The following RPS6KC1 variants were observed in gnomAD, a reference collection of about 807,000 sequenced individuals.
RPS6KC1 encodes ribosomal protein S6 kinase C1, also known as inactive ribosomal protein S6 kinase delta-1.
In RPS6KC1, 54 loss-of-function variants were observed where a neutral mutation model predicts 103.8. That is an observed-to-expected ratio of 0.52 (90% CI 0.42 to 0.65). RPS6KC1 has a LOEUF of 0.65. RPS6KC1 is among the 30% of genes least tolerant of loss of function. The pLI is 0.00. For synonymous variants in RPS6KC1, 439 were observed against 438.7 expected (o/e 1.00, Z -0.01); for missense variants, 1,151 against 1,253.8 (o/e 0.92, Z 1.24).
chr1:213,186,991 T>G (rs1406694325), intron 8 of RPS6KC1, among the ~76,000 whole-genome samples: 1 of 152,122 alleles, frequency 6.6e-6, no homozygotes, highest in African/African-American at 2.4e-5. Context: ...CATTTCATCC[T>G]CTATTGCCTA....
chr1:213,420,389 C>T, the RPS6KC1 span, among the ~76,000 whole-genome samples: 4 of 152,278 alleles, frequency 2.6e-5, no homozygotes, highest in Non-Finnish European at 5.9e-5. Flanking sequence ...AGGCCCAGAG[C>T]AGAGGTGCAC....
At chr1:213,112,965 T>C (rs1465160539) in intron 4 of RPS6KC1, among the ~76,000 whole-genome samples, 1 of 152,366 alleles carries the variant, frequency 6.6e-6, no homozygotes, top group East Asian at 1.9e-4. Flanking sequence ...TCTATCATTG[T>C]TGGACATTTG....
At chr1:213,051,635 T>C in intron 1 of RPS6KC1, 126 bp downstream of exon 1, 1 of 655,580 alleles carries the variant, frequency 1.5e-6, no homozygotes, top group Admixed American at 2.6e-5. Flanking sequence ...CTGCTCCTAC[T>C]GGCGGGACTT....
chr1:213,132,207 G>T (rs1001468559), intron 6 of RPS6KC1, among the ~76,000 whole-genome samples: 19 of 152,146 alleles, frequency 1.2e-4, no homozygotes, highest in African/African-American at 4.6e-4. Flanking sequence ...ATTTAACCAT[G>T]TATCTCCTAT....
chr1:213,352,859 T>C, the RPS6KC1 span, among the ~76,000 whole-genome samples: 1 of 152,190 alleles, frequency 6.6e-6, no homozygotes, highest in African/African-American at 2.4e-5. Flanking sequence ...ACCTATGGCA[T>C]TGACAAGGTA....
At chr1:213,059,622 T>C (rs866333730) in intron 1 of RPS6KC1, among the ~76,000 whole-genome samples, 44 of 152,272 alleles carry the variant, frequency 2.9e-4, no homozygotes, top group Middle Eastern at 6.8e-3. Flanking sequence ...CAAGTGATTC[T>C]CCTGCCTCAG....
the RPS6KC1 span, among the ~76,000 whole-genome samples, chr1:213,662,249 G>A: frequency 9.2e-5 from 14 of 151,520 alleles, no homozygotes; most frequent in South Asian, 1.9e-3. Flanking sequence ...TAGCAATATC[G>A]GAAATACCAG....
the RPS6KC1 span, among the ~76,000 whole-genome samples, chr1:213,360,338 G>A: frequency 6.6e-6 from 1 of 152,122 alleles, no homozygotes; most frequent in South Asian, 2.1e-4. Context: ...CTTTCTTCCA[G>A]TTGATTGAAT....
chr1:213,666,804 C>T, the RPS6KC1 span, among the ~76,000 whole-genome samples: 1 of 152,194 alleles, frequency 6.6e-6, no homozygotes, highest in Non-Finnish European at 1.5e-5. Flanking sequence ...AGAGTTATTG[C>T]CGCTTATTCA....
chr1:213,347,323 A>C, the RPS6KC1 span, among the ~76,000 whole-genome samples: 4 of 152,350 alleles, frequency 2.6e-5, no homozygotes, highest in South Asian at 8.3e-4. Flanking sequence ...TTCAGGAGAT[A>C]AACAGTTCTT....
At chr1:213,794,977 G>T in the RPS6KC1 span, among the ~76,000 whole-genome samples, 4 of 152,184 alleles carry the variant, frequency 2.6e-5, no homozygotes, top group African/African-American at 7.2e-5. Flanking sequence ...ACCTCTAAAG[G>T]TGATGTCAGC....
the RPS6KC1 span, among the ~76,000 whole-genome samples, chr1:213,636,840 G>A: frequency 6.6e-6 from 1 of 152,072 alleles, no homozygotes; most frequent in African/African-American, 2.4e-5. Context: ...CCTACAGAAT[G>A]GGAGAAAAAT....
At chr1:213,245,615 T>C (rs2094442191) in intron 12 of RPS6KC1, among the ~76,000 whole-genome samples, 1 of 152,212 alleles carries the variant, frequency 6.6e-6, no homozygotes, top group Non-Finnish European at 1.5e-5. Flanking sequence ...CAGCAGTATA[T>C]CTTTTTATCT....
At chr1:213,388,286 G>A in the RPS6KC1 span, among the ~76,000 whole-genome samples, 1 of 152,202 alleles carries the variant, frequency 6.6e-6, no homozygotes, top group South Asian at 2.1e-4. Flanking sequence ...AGAAGGGCAC[G>A]AAGACGTGGC....
At chr1:213,741,048 AAAAT>A in the RPS6KC1 span, among the ~76,000 whole-genome samples, 1 of 147,900 alleles carries the variant, frequency 6.8e-6, no homozygotes, top group Non-Finnish European at 1.5e-5. Flanking sequence ...ATACAATATA[AAAAT>A]AAATATAAAA....
intron 3 of RPS6KC1, among the ~76,000 whole-genome samples, chr1:213,089,292 C>G (rs938227970): frequency 6.6e-6 from 1 of 152,068 alleles, no homozygotes; most frequent in Admixed American, 6.6e-5. Context: ...TGCTTTTGGC[C>G]TTTGACCTTA....
the RPS6KC1 span, among the ~76,000 whole-genome samples, chr1:213,602,612 C>T: frequency 6.6e-6 from 1 of 151,966 alleles, no homozygotes; most frequent in Non-Finnish European, 1.5e-5. Context: ...TTCAGGATCC[C>T]CAAGAGAAGA....
intron 6 of RPS6KC1, among the ~76,000 whole-genome samples, chr1:213,132,633 G>A (rs999793352): frequency 6.6e-6 from 1 of 152,138 alleles, no homozygotes; most frequent in Non-Finnish European, 1.5e-5. Flanking sequence ...GTTTCCTTGG[G>A]TAAAGTTTGT....
the RPS6KC1 span, among the ~76,000 whole-genome samples, chr1:213,330,048 C>T: frequency 1.6e-4 from 24 of 152,330 alleles, no homozygotes; most frequent in South Asian, 1.2e-3. Context: ...GCAGGGGCAC[C>T]GGAGAGATGG....
Sources: gnomAD v4.1 joint callset for allele counts (sites outside exome capture counted in the v4.1 genomes callset) on GRCh38, gnomAD v4.1.1 for gene constraint, MANE v1.5 for transcripts, NCBI Gene and HGNC (gene_info 2026-07-23, HGNC 2026-07-21) for gene names.